The following MDGA2 variants were observed in gnomAD, a reference collection of about 807,000 sequenced individuals.
MDGA2 encodes MAM domain-containing glycosylphosphatidylinositol anchor protein 2.
A neutral mutation model predicts 117.8 loss-of-function variants in MDGA2; 40 were observed. The ratio of observed to expected loss-of-function variants is 0.34; its 90% CI spans 0.26 to 0.44. The LOEUF is 0.44. Among genes scored for constraint, MDGA2 ranks in the 20% least tolerant of loss-of-function variants. The probability of loss-of-function intolerance (pLI) is 1.00; values close to 1 mark genes in which losing one functional copy is unlikely to be tolerated. For missense variants in MDGA2, 1,123 were observed against 1,250.6 expected, an observed-to-expected ratio of 0.90 and a Z score of 1.54; for synonymous variants, 452 against 439.0, an observed-to-expected ratio of 1.03 and a Z score of -0.37.
At chr14:47,494,226 T>C (rs1311071668) in intron 1 of MDGA2, among the ~76,000 whole-genome samples, 1 of 152,180 alleles carries the variant, frequency 6.6e-6, no homozygotes, top group Non-Finnish European at 1.5e-5. Flanking sequence ...CTTGGAAAGA[T>C]CTTTATAGCA....
intron 1 of MDGA2, among the ~76,000 whole-genome samples, chr14:47,657,648 T>A (rs1566561960): frequency 6.6e-6 from 1 of 152,108 alleles, no homozygotes; most frequent in Non-Finnish European, 1.5e-5. Flanking sequence ...ATAAAACACA[T>A]CAATGTAAGA....
intron 1 of MDGA2, among the ~76,000 whole-genome samples, chr14:47,607,445 A>G (rs1159190888): frequency 6.6e-6 from 1 of 152,216 alleles, no homozygotes; most frequent in Non-Finnish European, 1.5e-5. Flanking sequence ...ATATATCAAC[A>G]TAACTATTCC....
intron 1 of MDGA2, among the ~76,000 whole-genome samples, chr14:47,363,538 G>A (rs1471460054): frequency 6.6e-6 from 1 of 152,120 alleles, no homozygotes; most frequent in African/African-American, 2.4e-5. Flanking sequence ...GATTACAGGA[G>A]TGAGTCACCA....
At chr14:47,043,856 C>T (rs12435829) in intron 7 of MDGA2, among the ~76,000 whole-genome samples, 12,307 of 152,118 alleles carry the variant, frequency 0.081, 638 homozygotes, top group Admixed American at 0.17. Context: ...TTGTTACATT[C>T]TTTAAGGTCC....
intron 8 of MDGA2, among the ~76,000 whole-genome samples, chr14:47,003,729 T>A (rs1469732895): frequency 1.3e-5 from 2 of 152,102 alleles, no homozygotes; most frequent in Non-Finnish European, 2.9e-5. Flanking sequence ...GCTTGTCTTT[T>A]CATTCTTTTA....
chr14:47,399,621 T>A (rs17118546), intron 1 of MDGA2, among the ~76,000 whole-genome samples: 16,533 of 152,154 alleles, frequency 0.11, 1,118 homozygotes, highest in Non-Finnish European at 0.13. Context: ...AACACATTTA[T>A]AGCTGCTAGA....
At chr14:47,538,502 G>T (rs2138748839) in intron 1 of MDGA2, among the ~76,000 whole-genome samples, 1 of 152,272 alleles carries the variant, frequency 6.6e-6, no homozygotes, top group African/African-American at 2.4e-5. Context: ...TATCTTTTGT[G>T]TTGAGATTTC....
At chr14:47,137,274 T>C (rs1293933543) in intron 4 of MDGA2, among the ~76,000 whole-genome samples, 1 of 152,168 alleles carries the variant, frequency 6.6e-6, no homozygotes, top group African/African-American at 2.4e-5. Context: ...TTAATTCTTA[T>C]TCAGAGCACA....
intron 1 of MDGA2, among the ~76,000 whole-genome samples, chr14:47,476,690 T>C (rs1316824700): frequency 6.6e-6 from 1 of 152,152 alleles, no homozygotes; most frequent in African/African-American, 2.4e-5. Flanking sequence ...CTAATTCATG[T>C]TTTATAAATT....
rs1251878360 is a variant in MDGA2 at position 47,176,012 on chromosome 14, G to A, written c.596-31738C>T. 6.1e-4 allele frequency among the ~76,000 whole-genome samples: 92 copies of A among 152,026 alleles called. 1 individual carries two copies. In the East Asian group the frequency reaches 0.014, roughly 23 times the overall value. On this transcript the variant is annotated intron_variant, in intron 3 of 16. Coordinates refer to ENST00000399232, the MANE Select transcript of MDGA2 (RefSeq NM_001113498.3). ...GCATTCTTATACACCAATAACAGATGAACAGAGAGCCAAATCATGAGTGAA... is the reference window on the plus strand; with the variant it reads ...GCATTCTTATACACCAATAACAGATAAACAGAGAGCCAAATCATGAGTGAA...
At chr14:47,099,383 T>C (rs1257757915) in intron 5 of MDGA2, among the ~76,000 whole-genome samples, 2 of 151,926 alleles carry the variant, frequency 1.3e-5, no homozygotes, top group African/African-American at 4.8e-5. Context: ...AAAACTGATA[T>C]AGGAAAAACA....
At chr14:47,064,378 T>C (rs1890003508) in intron 6 of MDGA2, among the ~76,000 whole-genome samples, 1 of 151,986 alleles carries the variant, frequency 6.6e-6, no homozygotes, top group African/African-American at 2.4e-5. Flanking sequence ...TAATAGAGAG[T>C]CATTTCTGTT....
intron 1 of MDGA2, among the ~76,000 whole-genome samples, chr14:47,312,692 TGTTTTG>T (rs1566733757): frequency 3.2e-5 from 3 of 93,458 alleles, no homozygotes; most frequent in East Asian, 7.0e-4. Flanking sequence ...TTTTTTGTTT[TGTTTTG>T]TTTTTTTTTT....
At chr14:46,872,625 G>A in intron 14 of MDGA2, among the ~76,000 whole-genome samples, 1 of 151,930 alleles carries the variant, frequency 6.6e-6, no homozygotes, top group East Asian at 1.9e-4. Context: ...TATTTTTGCT[G>A]CAAATGGTAT....
At chr14:47,136,291 G>C (rs1439068366) in intron 4 of MDGA2, among the ~76,000 whole-genome samples, 2 of 150,824 alleles carry the variant, frequency 1.3e-5, no homozygotes, top group Admixed American at 1.3e-4. Flanking sequence ...TCTGCCTCCA[G>C]GTTCAAGCGA....
rs1895797132 is a variant in MDGA2 at position 47,561,153 on chromosome 14, G to GGTTTT, written c.280+113363_280+113364insAAAAC. Among the ~76,000 whole-genome samples the GGTTTT allele has an allele frequency of 1.8e-3, 113 of 63,834 alleles. 8 individuals carry two copies. The highest frequency in any genetic ancestry group is 0.014 in the East Asian group (10 of 692). The allele number at this position is 63,834 out of a possible 152,430, so 41.9% of individuals were successfully genotyped here. The stretch of plus-strand genomic sequence containing the variant: ...TACCTCTATCTTTGTTTTTTTTTTT[G>GGTTTT]TTTTGTTTTGTTTTTTTGTTTGTTT... On this transcript the variant is annotated intron_variant, in intron 1 of 16. Coordinates refer to ENST00000399232, the MANE Select transcript of MDGA2 (RefSeq NM_001113498.3).
At chr14:47,657,003 G>A (rs752569675) in intron 1 of MDGA2, among the ~76,000 whole-genome samples, 70 of 152,114 alleles carry the variant, frequency 4.6e-4, no homozygotes, top group African/African-American at 1.7e-3. Context: ...TCCTCACACC[G>A]TGCTGTAAGA....
chr14:47,133,045 T>C (rs952879980), intron 4 of MDGA2, among the ~76,000 whole-genome samples: 4 of 151,692 alleles, frequency 2.6e-5, no homozygotes, highest in African/African-American at 9.6e-5. Flanking sequence ...GCCATAAGTA[T>C]TTTCATTCAC....
chr14:46,905,960 A>G (rs1189474568), intron 10 of MDGA2, among the ~76,000 whole-genome samples: 1 of 152,104 alleles, frequency 6.6e-6, no homozygotes, highest in Non-Finnish European at 1.5e-5. Flanking sequence ...AAATTTAAAT[A>G]AAAATATTTT....
Sources: allele counts gnomAD v4.1 joint callset (sites outside exome capture counted in the v4.1 genomes callset), GRCh38; gene constraint gnomAD v4.1.1; transcripts MANE v1.5; gene names NCBI Gene and HGNC (gene_info 2026-07-23, HGNC 2026-07-21).